The following DLGAP1 variants were observed in gnomAD, a reference collection of about 807,000 sequenced individuals.
DLGAP1 encodes the protein DLG associated protein 1, also known as disks large-associated protein 1.
In DLGAP1, 11 loss-of-function variants were observed where a neutral mutation model predicts 90.8. That is an observed-to-expected ratio of 0.12 (90% confidence interval 0.08 to 0.20). The LOEUF is 0.20. Among genes scored for constraint, DLGAP1 ranks in the 10% least tolerant of loss-of-function variants. The probability of loss-of-function intolerance (pLI) is 1.00; values close to 1 mark genes in which losing one functional copy is unlikely to be tolerated. For synonymous variants in DLGAP1, 558 were observed against 540.7 expected (o/e 1.03, Z -0.44); for missense variants, 1,050 against 1,333.8 (o/e 0.79, Z 3.31).
At chr18:3,661,650 C>G (rs961331082) in intron 7 of DLGAP1, among the ~76,000 whole-genome samples, 1 of 149,054 alleles carries the variant, frequency 6.7e-6, no homozygotes, top group African/African-American at 2.5e-5. Flanking sequence ...GGCCTTGGCT[C>G]ACTGCAACCT....
chr18:4,018,625 C>T (rs2074559956), intron 2 of DLGAP1, among the ~76,000 whole-genome samples: 1 of 152,106 alleles, frequency 6.6e-6, no homozygotes, highest in Non-Finnish European at 1.5e-5. Flanking sequence ...AAATATTTGT[C>T]GAATGAATAA....
chr18:3,742,179 A>G (rs1201171630), intron 6 of DLGAP1, among the ~76,000 whole-genome samples, 156 bp downstream of exon 6: 4 of 152,124 alleles, frequency 2.6e-5, no homozygotes, highest in African/African-American at 4.8e-5. Context: ...GGCTGAACCC[A>G]TGGCATGCTC....
chr18:4,164,930 G>A (rs2076908677), intron 1 of DLGAP1, among the ~76,000 whole-genome samples: 1 of 152,136 alleles, frequency 6.6e-6, no homozygotes, highest in African/African-American at 2.4e-5. Context: ...AAGGATAGAT[G>A]AATTGAATTC....
intron 2 of DLGAP1, among the ~76,000 whole-genome samples, chr18:4,034,745 T>C (rs1303164542): frequency 1.3e-5 from 2 of 152,218 alleles, no homozygotes; most frequent in African/African-American, 4.8e-5. Context: ...ATGAGGTTTA[T>C]ACTTTTGTAG....
chr18:3,545,416 C>A (rs749528197), intron 9 of DLGAP1, among the ~76,000 whole-genome samples: 1 of 151,992 alleles, frequency 6.6e-6, no homozygotes, highest in Non-Finnish European at 1.5e-5. Flanking sequence ...AAATACAATA[C>A]GGCATACTTA....
At position 3,499,437 on chromosome 18, in the gene DLGAP1, G is replaced by A. The variant is rs2049812134; in HGVS notation, c.2725-43C>T. On this transcript the variant is annotated intron_variant, in intron 12 of 12. Transcript: ENST00000315677. This position sits in a 1 kb window ranked among gnomAD's most constrained non-coding sequence, Gnocchi z 6.4. ...TTCAGGACATTACACAGCTTCTCAGGACAAGCTTGGGAAAAACTGGGATAG... is the reference window on the plus strand; with the variant it reads ...TTCAGGACATTACACAGCTTCTCAGAACAAGCTTGGGAAAAACTGGGATAG... 1.3e-6 allele frequency: 2 copies of A among 1,542,760 alleles called. No homozygotes were observed. Among genetic ancestry groups the A allele is most frequent in the South Asian group, 1.2e-5 (1 of 83,410 alleles).
chr18:3,625,022 C>T (rs535429522), intron 7 of DLGAP1, among the ~76,000 whole-genome samples: 75 of 152,310 alleles, frequency 4.9e-4, no homozygotes, highest in Non-Finnish European at 7.8e-4. Context: ...AGTCCCTAAA[C>T]GCCTGAGTCG....
At chr18:3,667,461 C>T (rs2059925592) in intron 7 of DLGAP1, among the ~76,000 whole-genome samples, 1 of 152,058 alleles carries the variant, frequency 6.6e-6, no homozygotes, top group African/African-American at 2.4e-5. Context: ...CATCTAGTAC[C>T]TAGTAAACAC....
chr18:3,655,437 T>A (rs1287126911), intron 7 of DLGAP1: 1 of 152,244 alleles, frequency 6.6e-6, no homozygotes, highest in Non-Finnish European at 1.5e-5. Context: ...ACACTTTGCT[T>A]GGACGTCTCT....
chr18:3,866,944 G>A (rs1022882803), intron 4 of DLGAP1, among the ~76,000 whole-genome samples: 1 of 152,176 alleles, frequency 6.6e-6, no homozygotes, highest in Non-Finnish European at 1.5e-5. Context: ...TCTGCTTCGC[G>A]GGTTCAAGCA....
At chr18:3,634,887 T>G (rs989499544) in intron 7 of DLGAP1, among the ~76,000 whole-genome samples, 5 of 152,222 alleles carry the variant, frequency 3.3e-5, no homozygotes, top group African/African-American at 1.2e-4. Flanking sequence ...GACATCCAAT[T>G]TTTTTAAGCA....
chr18:4,119,345 C>T (rs1366380842), intron 2 of DLGAP1, among the ~76,000 whole-genome samples: 1 of 152,130 alleles, frequency 6.6e-6, no homozygotes, highest in Non-Finnish European at 1.5e-5. Context: ...CCTCCCTCCT[C>T]AGCCTTCCAA....
intron 1 of DLGAP1, among the ~76,000 whole-genome samples, chr18:4,219,593 T>A (rs1418897609): frequency 1.3e-5 from 2 of 152,098 alleles, no homozygotes; most frequent in African/African-American, 4.8e-5. Context: ...TTCTTCTAGT[T>A]GCTTTATAGT....
At chr18:3,511,474 A>C (rs955239828) in intron 10 of DLGAP1, among the ~76,000 whole-genome samples, 1 of 152,186 alleles carries the variant, frequency 6.6e-6, no homozygotes, top group African/African-American at 2.4e-5. Context: ...AAAGTTGATA[A>C]AGAAATGAAA....
At chr18:3,939,470 A>AT (rs200876364) in intron 3 of DLGAP1, among the ~76,000 whole-genome samples, 3,852 of 151,174 alleles carry the variant, frequency 0.025, 160 homozygotes, top group African/African-American at 0.089. Context: ...AAACAAACAA[A>AT]CAAAAAACCC....
intron 2 of DLGAP1, among the ~76,000 whole-genome samples, chr18:4,102,259 A>G (rs2075791892): frequency 6.6e-6 from 1 of 152,182 alleles, no homozygotes; most frequent in Non-Finnish European, 1.5e-5. Context: ...AAACAGTACT[A>G]CGCATTTTCT....
chr18:3,638,929 G>A (rs553413204), intron 7 of DLGAP1, among the ~76,000 whole-genome samples: 7 of 152,302 alleles, frequency 4.6e-5, no homozygotes, highest in Admixed American at 1.3e-4. Flanking sequence ...GGTTGCAATC[G>A]TTGTATAAAT....
chr18:3,757,880 C>T (rs2063781029), intron 5 of DLGAP1, among the ~76,000 whole-genome samples: 1 of 152,162 alleles, frequency 6.6e-6, no homozygotes, highest in East Asian at 1.9e-4. Flanking sequence ...CTTTGGGAGG[C>T]CAAGGCGGGT....
chr18:4,083,300 G>C (rs9963455), intron 2 of DLGAP1, among the ~76,000 whole-genome samples: 89,372 of 152,006 alleles, frequency 0.59, 26,997 homozygotes, highest in Non-Finnish European at 0.64. Flanking sequence ...AATTTCTGCT[G>C]GTTACATTAG....
Sources: allele counts gnomAD v4.1 joint callset (sites outside exome capture counted in the v4.1 genomes callset), GRCh38; gene constraint gnomAD v4.1.1; non-coding constraint Gnocchi (gnomAD v3.1); transcripts MANE v1.5; gene names NCBI Gene and HGNC (gene_info 2026-07-23, HGNC 2026-07-21).